The following ARB2A variants were observed in gnomAD, a reference collection of about 807,000 sequenced individuals.
ARB2A encodes the protein ARB2 cotranscriptional regulator A, also known as cotranscriptional regulator ARB2A.
chr5:93,761,635 G>A, the ARB2A span, among the ~76,000 whole-genome samples: 1 of 152,204 alleles, frequency 6.6e-6, no homozygotes, highest in Non-Finnish European at 1.5e-5. Flanking sequence ...TGGGGGCAGG[G>A]CATTGCAAAA....
At chr5:93,757,411 C>T in the ARB2A span, among the ~76,000 whole-genome samples, 1 of 152,136 alleles carries the variant, frequency 6.6e-6, no homozygotes, top group South Asian at 2.1e-4. Context: ...AAGTTCTTCA[C>T]CTAGGCACAT....
the ARB2A span, among the ~76,000 whole-genome samples, chr5:93,679,565 G>C: frequency 6.6e-6 from 1 of 152,018 alleles, no homozygotes; most frequent in Non-Finnish European, 1.5e-5. Flanking sequence ...CTACTCTAAA[G>C]GCATTTTCTT....
chr5:93,698,106 T>A, the ARB2A span, among the ~76,000 whole-genome samples: 1 of 152,214 alleles, frequency 6.6e-6, no homozygotes, highest in African/African-American at 2.4e-5. Flanking sequence ...GGTTGAAGTA[T>A]GTACCTTTAG....
the ARB2A span, among the ~76,000 whole-genome samples, chr5:94,072,146 T>C: frequency 3.9e-4 from 60 of 152,284 alleles, 1 homozygote; most frequent in African/African-American, 1.4e-3. Context: ...ATTCCATTTC[T>C]ATAACATCTA....
chr5:93,708,546 C>T, the ARB2A span, among the ~76,000 whole-genome samples: 1 of 152,150 alleles, frequency 6.6e-6, no homozygotes, highest in African/African-American at 2.4e-5. Flanking sequence ...CTAGATCCTT[C>T]GCATGTGGAG....
the ARB2A span, among the ~76,000 whole-genome samples, chr5:94,090,506 T>C: frequency 6.6e-6 from 1 of 152,212 alleles, no homozygotes; most frequent in African/African-American, 2.4e-5. Flanking sequence ...GCTATTTGAA[T>C]ACCCTTTATT....
At chr5:94,034,049 T>TGCA in the ARB2A span, among the ~76,000 whole-genome samples, 1 of 152,236 alleles carries the variant, frequency 6.6e-6, no homozygotes, top group African/African-American at 2.4e-5. Context: ...CCCTTTATGA[T>TGCA]GCAGCATGAG....
At chr5:94,049,762 A>G in the ARB2A span, among the ~76,000 whole-genome samples, 1 of 152,190 alleles carries the variant, frequency 6.6e-6, no homozygotes, top group African/African-American at 2.4e-5. Context: ...TGCAAGTTGC[A>G]GTGAGCCAAG....
chr5:93,882,866 T>A, the ARB2A span, among the ~76,000 whole-genome samples: 1 of 151,644 alleles, frequency 6.6e-6, no homozygotes, highest in African/African-American at 2.4e-5. Context: ...TAAAATCTCA[T>A]CCTTACTTAA....
chr5:94,007,249 A>G, the ARB2A span, among the ~76,000 whole-genome samples: 1 of 152,238 alleles, frequency 6.6e-6, no homozygotes, highest in African/African-American at 2.4e-5. Flanking sequence ...TCTTATTTCT[A>G]AATAGTATGA....
the ARB2A span, among the ~76,000 whole-genome samples, chr5:93,955,488 G>A: frequency 6.6e-6 from 1 of 152,154 alleles, no homozygotes; most frequent in Non-Finnish European, 1.5e-5. Flanking sequence ...GGAAATAGCA[G>A]ATTCTTCTGA....
At chr5:94,015,237 T>C in the ARB2A span, among the ~76,000 whole-genome samples, 5 of 151,810 alleles carry the variant, frequency 3.3e-5, no homozygotes, top group Admixed American at 1.3e-4. Context: ...GGGAGTGAGA[T>C]GACATTTTCA....
the ARB2A span, among the ~76,000 whole-genome samples, chr5:93,797,065 CTA>C: frequency 2.0e-5 from 3 of 152,144 alleles, no homozygotes; most frequent in Admixed American, 1.3e-4. Context: ...AAACAGTCCA[CTA>C]TACAACAAGT....
chr5:94,050,912 T>C, the ARB2A span: 2 of 975,884 alleles, frequency 2.0e-6, no homozygotes, highest in Non-Finnish European at 3.0e-6. Flanking sequence ...GAATGTCTGA[T>C]AAAAATTTAA....
the ARB2A span, among the ~76,000 whole-genome samples, chr5:93,966,109 C>A: frequency 1.3e-5 from 2 of 151,886 alleles, no homozygotes; most frequent in Admixed American, 1.3e-4. Context: ...TGTGGAGGTT[C>A]AAACTAAACA....
chr5:93,898,973 G>A, the ARB2A span, among the ~76,000 whole-genome samples: 2 of 151,872 alleles, frequency 1.3e-5, no homozygotes, highest in Non-Finnish European at 2.9e-5. Flanking sequence ...GGTAGAAATG[G>A]GATCAGAGTC....
the ARB2A span, among the ~76,000 whole-genome samples, chr5:93,891,196 C>A: frequency 6.6e-6 from 1 of 152,094 alleles, no homozygotes; most frequent in Non-Finnish European, 1.5e-5. Flanking sequence ...ATCTTGCTGT[C>A]TTTGTTTAGC....
chr5:93,834,799 T>C, the ARB2A span, among the ~76,000 whole-genome samples: 1 of 152,190 alleles, frequency 6.6e-6, no homozygotes, highest in African/African-American at 2.4e-5. Flanking sequence ...AATCATTATA[T>C]ATTTATATAT....
At chr5:93,756,245 C>T in the ARB2A span, among the ~76,000 whole-genome samples, 3 of 152,194 alleles carry the variant, frequency 2.0e-5, no homozygotes, top group African/African-American at 7.2e-5. Flanking sequence ...AGTCTGAGCT[C>T]AGACATGCCT....
Sources: allele counts gnomAD v4.1 joint callset (sites outside exome capture counted in the v4.1 genomes callset), GRCh38; gene constraint gnomAD v4.1.1; transcripts MANE v1.5; gene names NCBI Gene and HGNC (gene_info 2026-07-23, HGNC 2026-07-21).